Variants in DCLK2 observed in about 807,000 individuals in gnomAD.
DCLK2 encodes the protein serine/threonine-protein kinase DCLK2.
Under a neutral mutation model 78.4 loss-of-function variants are expected in DCLK2, and 31 were observed. The ratio of observed to expected loss-of-function variants is 0.40; its 90% CI spans 0.30 to 0.53. DCLK2 has a LOEUF of 0.53. Ranked by LOEUF, DCLK2 falls within the 20% of genes least tolerant of loss-of-function variation. The pLI is 0.61. For synonymous variants in DCLK2, 407 were observed against 374.9 expected (o/e 1.09, Z -0.99); for missense variants, 872 against 973.7 (o/e 0.90, Z 1.39).
chr4:150,196,342 T>C (rs1311494955), intron 3 of DCLK2, among the ~76,000 whole-genome samples: 3 of 152,118 alleles, frequency 2.0e-5, no homozygotes, highest in Non-Finnish European at 4.4e-5. Context: ...AAGATGTTTC[T>C]AATAATCTAC....
chr4:150,149,939 T>G (rs1734772800), intron 2 of DCLK2, among the ~76,000 whole-genome samples: 1 of 152,212 alleles, frequency 6.6e-6, no homozygotes, highest in East Asian at 1.9e-4. Flanking sequence ...CATTTTAAAT[T>G]TGTTCATGTT....
intron 1 of DCLK2, among the ~76,000 whole-genome samples, chr4:150,101,218 G>A (rs1006956431): frequency 3.9e-5 from 6 of 152,070 alleles, no homozygotes; most frequent in African/African-American, 1.4e-4. Context: ...TTGCGCCACT[G>A]CAGTTCAGCC....
intron 2 of DCLK2, among the ~76,000 whole-genome samples, chr4:150,158,391 G>A (rs1207049447): frequency 6.6e-6 from 1 of 152,154 alleles, no homozygotes; most frequent in Admixed American, 6.5e-5. Context: ...ATGAATTTTA[G>A]GGGGATATAA....
At chr4:150,248,469 C>A (rs528319886) in intron 14 of DCLK2, 84 bp downstream of exon 14, 1 of 1,138,654 alleles carries the variant, frequency 8.8e-7, no homozygotes, top group East Asian at 2.4e-5. Context: ...TTTGCACATG[C>A]AAAAGTTATG....
Position 150,240,405 on chromosome 4 carries a change from C to G in DCLK2, c.1707C>G (p.Gly569=), listed in dbSNP as rs1742829978. The change falls in exon 12 of 16, where the codon GGC becomes GGG. Residue 569 remains glycine (G), a synonymous_variant. Transcript: ENST00000296550. ...APEIIAETGY[G]LKVDIWAAGV... Reference sequence around the variant, plus strand: ...ACCCACTTTGTTTTCCTAGCTATGGCCTGAAGGTGGACATTTGGGCAGCTG... The same window carrying G: ...ACCCACTTTGTTTTCCTAGCTATGGGCTGAAGGTGGACATTTGGGCAGCTG... 6.2e-7 allele frequency: 1 copy of G among 1,613,724 alleles called. No individual in the cohort carries two copies. Among genetic ancestry groups the G allele is most frequent in the Admixed American group, 1.7e-5 (1 of 60,006 alleles).
intron 12 of DCLK2, among the ~76,000 whole-genome samples, chr4:150,241,297 T>C (rs1742910051): frequency 6.6e-6 from 1 of 152,132 alleles, no homozygotes; most frequent in Non-Finnish European, 1.5e-5. Flanking sequence ...CCACTGACAA[T>C]GGTCAGAGTA....
intron 1 of DCLK2, among the ~76,000 whole-genome samples, chr4:150,081,730 G>A (rs1339122063): frequency 2.0e-5 from 3 of 151,312 alleles, no homozygotes; most frequent in Admixed American, 1.3e-4. Flanking sequence ...AATAGTTCAC[G>A]TCTGTAATCT....
chr4:150,094,883 C>CA (rs916507662), intron 1 of DCLK2, among the ~76,000 whole-genome samples: 4 of 152,110 alleles, frequency 2.6e-5, no homozygotes, highest in Non-Finnish European at 4.4e-5. Context: ...TTTGTGAAAT[C>CA]AAAACACCTT....
Position 150,143,470 on chromosome 4 carries a change from C to T in DCLK2, c.756+40658C>T, listed in dbSNP as rs189497025. On this transcript the variant is annotated intron_variant, in intron 2 of 15. Coordinates refer to ENST00000296550, the MANE Select transcript of DCLK2 (RefSeq NM_001040260.4). ...ACAAGCCTGAGCAACATGGTGAGAC[C>T]CAGTCTCTACTTTAATAAATAATTA... Among the ~76,000 whole-genome samples the T allele has an allele frequency of 2.0e-5, 3 of 152,136 alleles. No homozygotes were observed. In the East Asian group the frequency reaches 5.8e-4, roughly 29 times the overall value.
In DCLK2 at chr4:150,190,009, T is replaced by C. The variant is rs112850978; in HGVS notation, c.757-3129T>C. ...TTGAACTCCTGGCAACTCAAACTTA[T>C]GGGCATCATAGGGAGACCCTGTCTC... On this transcript the variant is annotated intron_variant, in intron 2 of 15. Coordinates refer to ENST00000296550, the MANE Select transcript of DCLK2 (RefSeq NM_001040260.4). Among the ~76,000 whole-genome samples the C allele has an allele frequency of 5.1e-3, 573 of 112,622 alleles. 2 individuals carry two copies. Among genetic ancestry groups the C allele is most frequent in the Middle Eastern group, 0.024 (3 of 124 alleles). 73.9% of individuals were successfully genotyped at this position (112,622 alleles called of 152,430 possible).
intron 4 of DCLK2, among the ~76,000 whole-genome samples, chr4:150,200,776 A>C (rs936672746): frequency 6.6e-6 from 1 of 152,202 alleles, no homozygotes; most frequent in South Asian, 2.1e-4. Context: ...CTTCAACAAA[A>C]CTCTGTCAGA....
intron 6 of DCLK2, 65 bp from the exon 7 acceptor site, chr4:150,221,612 A>G (rs1741195122): frequency 8.9e-6 from 9 of 1,010,952 alleles, no homozygotes; most frequent in Middle Eastern, 2.2e-4. Flanking sequence ...CTATTTTACA[A>G]ATATGTAGGA....
intron 2 of DCLK2, among the ~76,000 whole-genome samples, chr4:150,107,568 G>T (rs1731356845): frequency 6.6e-6 from 1 of 151,662 alleles, no homozygotes. Context: ...TAGAAATTGG[G>T]TTTCCCTGTG....
rs549338131 is a variant in DCLK2, at chr4:150,256,615, T to C, written c.*368T>C. 1 of 221,396 alleles carries C rather than the reference T, an allele frequency of 4.5e-6. No individual in the cohort carries two copies. Among genetic ancestry groups the C allele is most frequent in the East Asian group, 1.1e-4 (1 of 8,906 alleles). 13.7% of individuals were successfully genotyped at this position (221,396 alleles called of 1,614,324 possible). On this transcript the variant is annotated 3_prime_UTR_variant, in exon 16 of 16. Transcript: ENST00000296550. Reference sequence around the variant, plus strand: ...TTATAGAAACACTTTGGAAACACTTTGGATGAACCAAGGCCTTTTCCTTAT... The same window carrying C: ...TTATAGAAACACTTTGGAAACACTTCGGATGAACCAAGGCCTTTTCCTTAT...
chr4:150,131,237 G>A (rs1416765378), intron 2 of DCLK2, among the ~76,000 whole-genome samples: 2 of 151,874 alleles, frequency 1.3e-5, no homozygotes, highest in East Asian at 3.9e-4. Flanking sequence ...ATTGTGTTAA[G>A]GCAGAAAAAA....
chr4:150,091,189 T>C lies in DCLK2; in HGVS notation c.422-11289T>C, dbSNP rs138871938. ...ATGTATTTAAAATGGACCTTAAAAT[T>C]ATAATCCACCCGGTCTCACACAAAC... On this transcript the variant is annotated intron_variant, in intron 1 of 15. Transcript: ENST00000296550. Among the ~76,000 whole-genome samples the C allele has an allele frequency of 2.3e-3, 350 of 152,324 alleles. 4 individuals carry two copies. Among genetic ancestry groups the C allele is most frequent in the Non-Finnish European group, 2.8e-4 (19 of 68,028 alleles).
intron 1 of DCLK2, among the ~76,000 whole-genome samples, chr4:150,081,790 G>C (rs567371774): frequency 6.7e-6 from 1 of 149,668 alleles, no homozygotes; most frequent in African/African-American, 2.5e-5. Flanking sequence ...TCAGGAGTTC[G>C]AGACCAGCCT....
chr4:150,183,794 C>T (rs1432712713), intron 2 of DCLK2, among the ~76,000 whole-genome samples: 3 of 150,256 alleles, frequency 2.0e-5, no homozygotes, highest in Non-Finnish European at 3.0e-5. Context: ...AGTGCAGTGG[C>T]GCAATCTTGG....
intron 1 of DCLK2, among the ~76,000 whole-genome samples, chr4:150,094,204 G>A (rs1170004089): frequency 6.6e-6 from 1 of 152,036 alleles, no homozygotes; most frequent in Non-Finnish European, 1.5e-5. Context: ...AGACAAGTGG[G>A]ACTACATCAA....
Sources: gnomAD v4.1 joint callset for allele counts (sites outside exome capture counted in the v4.1 genomes callset) on GRCh38, gnomAD v4.1.1 for gene constraint, MANE v1.5 for transcripts, NCBI Gene and HGNC (gene_info 2026-07-23, HGNC 2026-07-21) for gene names.